The following SCD5 variants were observed in gnomAD, a reference collection of about 807,000 sequenced individuals.
SCD5 encodes the protein stearoyl-CoA desaturase 5, also known as acyl-CoA-desaturase 4.
A neutral mutation model predicts 30.4 loss-of-function variants in SCD5; 20 were observed. That is an observed-to-expected ratio of 0.66 (90% CI 0.46 to 0.96). The LOEUF is 0.96. Ranked by LOEUF, SCD5 falls within the 40% of genes least tolerant of loss-of-function variation. The pLI, the probability that SCD5 is intolerant of heterozygous loss-of-function variation, is 0.00. For synonymous variants in SCD5, 173 were observed against 176.4 expected, an observed-to-expected ratio of 0.98 and a Z score of 0.16; for missense variants, 381 against 443.3, an observed-to-expected ratio of 0.86 and a Z score of 1.26.
intron 1 of SCD5, among the ~76,000 whole-genome samples, chr4:82,759,095 C>G (rs60883171): frequency 0.24 from 36,479 of 152,132 alleles, 4,834 homozygotes; most frequent in African/African-American, 0.36. Flanking sequence ...CCTCTACAGC[C>G]CCAGCACTTC....
intron 1 of SCD5, among the ~76,000 whole-genome samples, chr4:82,794,108 G>A (rs1043205726): frequency 2.0e-5 from 3 of 152,180 alleles, no homozygotes; most frequent in Non-Finnish European, 2.9e-5. Context: ...ACACTGCCTT[G>A]TTAATCTCCA....
At position 82,631,322 on chromosome 4, in the gene SCD5, C is replaced by A; in HGVS notation, c.*5G>T. On this transcript the variant is annotated 3_prime_UTR_variant, in exon 5 of 5. Transcript: ENST00000319540. ...CGGCAGACATGTGGGATGGCTGTTCCAAGTTCAAGCACTGCTGTCTCCAGT... is the reference window on the plus strand; with the variant it reads ...CGGCAGACATGTGGGATGGCTGTTCAAAGTTCAAGCACTGCTGTCTCCAGT... 4 of 1,610,034 alleles carry A rather than the reference C, an allele frequency of 2.5e-6. No individual in the cohort carries two copies. The highest frequency in any genetic ancestry group is 3.4e-6 in the Non-Finnish European group (4 of 1,177,142).
Position 82,666,521 on chromosome 4 carries a change from AAAAG to A in SCD5, c.569+14182_569+14185del, listed in dbSNP as rs534637633. 2.2e-3 allele frequency among the ~76,000 whole-genome samples: 329 copies of A among 151,736 alleles called. 2 individuals carry two copies. Among genetic ancestry groups the A allele is most frequent in the African/African-American group, 7.0e-3 (290 of 41,342 alleles). On this transcript the variant is annotated intron_variant, in intron 3 of 4. Transcript: ENST00000319540. The stretch of plus-strand genomic sequence containing the variant: ...CAGAGCGAGACTCCGTCTCAAAAAA[AAAAG>A]AAAGAAAGAAAGAAAGAAAATGTCC...
At chr4:82,770,885 C>A (rs901793611) in intron 1 of SCD5, among the ~76,000 whole-genome samples, 8 of 152,248 alleles carry the variant, frequency 5.3e-5, no homozygotes, top group Non-Finnish European at 1.0e-4. Flanking sequence ...ATGTTCTAAT[C>A]TACACAACGG....
At chr4:82,758,038 G>A (rs1721268659) in intron 1 of SCD5, among the ~76,000 whole-genome samples, 1 of 152,212 alleles carries the variant, frequency 6.6e-6, no homozygotes, top group South Asian at 2.1e-4. Context: ...CCATTTCCAA[G>A]AGACTGGGTT....
At chr4:82,786,354 C>T (rs932808398) in intron 1 of SCD5, among the ~76,000 whole-genome samples, 1 of 152,194 alleles carries the variant, frequency 6.6e-6, no homozygotes, top group Admixed American at 6.5e-5. Flanking sequence ...CAAGCTAAAA[C>T]CAACACAGCC....
In SCD5 at chr4:82,664,961, A is replaced by ATCTCTC. The variant is rs368839845; in HGVS notation, c.569+15740_569+15745dup. 2.4e-3 allele frequency among the ~76,000 whole-genome samples: 182 copies of ATCTCTC among 77,050 alleles called. 1 individual carries two copies. Among genetic ancestry groups the ATCTCTC allele is most frequent in the African/African-American group, 2.1e-3 (36 of 17,152 alleles). 50.5% of individuals were successfully genotyped at this position (77,050 alleles called of 152,430 possible). A position where few individuals can be genotyped will look rare whatever the true frequency, so the allele number is the denominator to read the frequency against. On this transcript the variant is annotated intron_variant, in intron 3 of 4. Transcript: ENST00000319540. ...AGCCTGGGCAGCATAGCAAGACCCC[A>ATCTCTC]TCTCTCTCTCTCTCTCTCTCTCTCT...
intron 1 of SCD5, among the ~76,000 whole-genome samples, chr4:82,752,022 C>A (rs556656271): frequency 1.3e-5 from 2 of 152,254 alleles, no homozygotes; most frequent in East Asian, 3.9e-4. Context: ...AGTGACAAAA[C>A]CCTGGATTGT....
At chr4:82,639,506 G>T (rs1044766114) in intron 3 of SCD5, among the ~76,000 whole-genome samples, 6 of 152,248 alleles carry the variant, frequency 3.9e-5, no homozygotes, top group Non-Finnish European at 8.8e-5. Context: ...TTGGCCTCAG[G>T]GAGCCCCTGG....
At chr4:82,759,399 G>C (rs11732247) in intron 1 of SCD5, among the ~76,000 whole-genome samples, 1 of 151,956 alleles carries the variant, frequency 6.6e-6, no homozygotes, top group Non-Finnish European at 1.5e-5. Context: ...GCGGCCCTCC[G>C]TAACAACAAA....
chr4:82,645,916 A>G (rs145114666), intron 3 of SCD5, among the ~76,000 whole-genome samples: 1 of 152,230 alleles, frequency 6.6e-6, no homozygotes, highest in Non-Finnish European at 1.5e-5. Flanking sequence ...ATGAAAAAGA[A>G]ATCACCGTTC....
intron 1 of SCD5, among the ~76,000 whole-genome samples, chr4:82,731,648 C>T (rs546263485): frequency 3.8e-4 from 58 of 152,322 alleles, no homozygotes; most frequent in African/African-American, 1.3e-3. Context: ...CCACACAGAG[C>T]TTGCCCAGGT....
At chr4:82,645,378 C>T (rs773005445) in intron 3 of SCD5, among the ~76,000 whole-genome samples, 4 of 151,268 alleles carry the variant, frequency 2.6e-5, no homozygotes, top group Admixed American at 6.6e-5. Flanking sequence ...AACCCAAGAA[C>T]GACCCAAGAA....
intron 1 of SCD5, among the ~76,000 whole-genome samples, chr4:82,750,965 G>A (rs1721089921): frequency 6.6e-6 from 1 of 152,134 alleles, no homozygotes. Flanking sequence ...TCTTAGATCC[G>A]TGTTCCCTCC....
chr4:82,677,653 CTA>C (rs1230072678), intron 3 of SCD5, among the ~76,000 whole-genome samples: 1 of 152,184 alleles, frequency 6.6e-6, no homozygotes, highest in East Asian at 1.9e-4. Flanking sequence ...TTACGGATCT[CTA>C]TGTTCTCTAT....
intron 1 of SCD5, among the ~76,000 whole-genome samples, chr4:82,739,548 T>C (rs1441858095): frequency 2.0e-5 from 3 of 152,254 alleles, no homozygotes; most frequent in Admixed American, 6.5e-5. Flanking sequence ...CTGCTGGTTG[T>C]GTGCGGTGGT....
intron 2 of SCD5, among the ~76,000 whole-genome samples, chr4:82,696,884 G>T (rs912867659): frequency 4.6e-5 from 7 of 152,200 alleles, no homozygotes; most frequent in African/African-American, 1.7e-4. Flanking sequence ...CTTCTTCAAT[G>T]TCCATAAACA....
chr4:82,670,427 T>C (rs1728285640), intron 3 of SCD5, among the ~76,000 whole-genome samples: 4 of 152,148 alleles, frequency 2.6e-5, no homozygotes. Context: ...AAAGAATCTC[T>C]GAGTTTGACG....
chr4:82,635,149 G>A (rs1456968411), intron 4 of SCD5, among the ~76,000 whole-genome samples: 3 of 152,192 alleles, frequency 2.0e-5, no homozygotes, highest in Non-Finnish European at 2.9e-5. Context: ...AGTCTGAGTT[G>A]CTTCTACAAA....
Sources: allele counts gnomAD v4.1 joint callset (sites outside exome capture counted in the v4.1 genomes callset), GRCh38; gene constraint gnomAD v4.1.1; transcripts MANE v1.5; gene names NCBI Gene and HGNC (gene_info 2026-07-23, HGNC 2026-07-21).